The following SLC7A2 variants were observed in gnomAD, a reference collection of about 807,000 sequenced individuals.
The protein encoded by SLC7A2 is solute carrier family 7 member 2.
In SLC7A2, 48 loss-of-function variants were observed where a neutral mutation model predicts 58.9. The ratio of observed to expected loss-of-function variants is 0.82; its 90% CI spans 0.65 to 1.04. The LOEUF (loss-of-function observed/expected upper bound fraction) is 1.04, where lower values mean the gene tolerates loss of function less well. Ranked by LOEUF, SLC7A2 falls within the 50% of genes least tolerant of loss-of-function variation. SLC7A2 has a pLI of 0.00. For synonymous variants in SLC7A2, 363 were observed against 314.5 expected (o/e 1.15, Z -1.63); for missense variants, 1,029 against 818.8 (o/e 1.26, Z -3.13).
upstream of SLC7A2, among the ~76,000 whole-genome samples, chr8:17,494,710 T>C (rs984854368): frequency 6.6e-6 from 1 of 152,224 alleles, no homozygotes; most frequent in African/African-American, 2.4e-5. Flanking sequence ...TCTAAACACA[T>C]TTTTAAAGGT....
intron 2 of SLC7A2, among the ~76,000 whole-genome samples, chr8:17,529,310 T>G (rs563404885): frequency 1.3e-5 from 2 of 152,174 alleles, no homozygotes; most frequent in Admixed American, 1.3e-4. Flanking sequence ...CTGCCCTTAG[T>G]TGACTTGTTC....
intron 4 of SLC7A2, 129 bp from the exon 5 acceptor site, chr8:17,548,549 T>C: frequency 1.5e-6 from 1 of 657,624 alleles, no homozygotes; most frequent in Non-Finnish European, 2.6e-6. Context: ...GAACTAGCAG[T>C]AGAGGTAGAT....
chr8:17,525,391 T>A (rs1437173272), intron 2 of SLC7A2, among the ~76,000 whole-genome samples: 1 of 152,176 alleles, frequency 6.6e-6, no homozygotes, highest in Non-Finnish European at 1.5e-5. Flanking sequence ...AGCTCTAGAA[T>A]CTGAAACAAG....
intron 2 of SLC7A2, among the ~76,000 whole-genome samples, chr8:17,533,074 A>G (rs1327687126): frequency 6.6e-6 from 1 of 152,090 alleles, no homozygotes; most frequent in East Asian, 1.9e-4. Flanking sequence ...TCTAGATAGA[A>G]ATTTTAGAGG....
chr8:17,520,330 C>T (rs946073109), intron 2 of SLC7A2, among the ~76,000 whole-genome samples: 15 of 152,016 alleles, frequency 9.9e-5, no homozygotes, highest in African/African-American at 2.4e-4. Flanking sequence ...TGCACACACA[C>T]GCACACATCC....
upstream of SLC7A2, among the ~76,000 whole-genome samples, chr8:17,496,429 T>C (rs998828732): frequency 6.6e-6 from 1 of 152,178 alleles, no homozygotes; most frequent in Non-Finnish European, 1.5e-5. Context: ...GGCTTTCACA[T>C]TGTGACTTAA....
In SLC7A2 at chr8:17,542,964, A is replaced by T. The variant is rs562876837; in HGVS notation, c.-22-354A>T. Among the ~76,000 whole-genome samples the T allele has an allele frequency of 9.1e-4, 138 of 152,266 alleles. 1 individual carries two copies. Among genetic ancestry groups the T allele is most frequent in the Non-Finnish European group, 1.0e-3 (69 of 68,032 alleles). The stretch of plus-strand genomic sequence containing the variant: ...GCGACAGAGTGAGATCCTGTTTCCA[A>T]ACAAAAACAGAAACACAAAATTATA... On this transcript the variant is annotated intron_variant, in intron 2 of 12. Transcript: ENST00000494857.
rs771008189 is a variant in SLC7A2 at position 17,555,059 on chromosome 8, C to T, written c.1195+360C>T. 22 of 1,613,742 alleles carry T rather than the reference C, an allele frequency of 1.4e-5. 1 individual carries two copies. The highest frequency in any genetic ancestry group is 3.3e-5 in the Admixed American group (2 of 59,972). On this transcript the variant is annotated intron_variant, in intron 8 of 12. Transcript: ENST00000494857. The stretch of plus-strand genomic sequence containing the variant: ...AAGAGGCAGTCACCAGTTGCTGCCA[C>T]GTTGACTGCAGGGGTCATTTCTGGT...
Position 17,558,294 on chromosome 8 carries a change from G to A in SLC7A2, c.1196-1G>A. The stretch of plus-strand genomic sequence containing the variant: ...TCACCGTTCTTTTCTTCTCCCCCTA[G>A]CTTTGATGGCCTTTCTGTTTGACCT... On this transcript the variant is annotated splice_acceptor_variant, in intron 8 of 12. Coordinates refer to ENST00000494857, the MANE Select transcript of SLC7A2 (RefSeq NM_001370338.1). LOFTEE classifies it high-confidence loss of function. 4 of 1,607,150 alleles carry A rather than the reference G, an allele frequency of 2.5e-6. No individual in the cohort carries two copies. Among genetic ancestry groups the A allele is most frequent in the Non-Finnish European group, 3.4e-6 (4 of 1,174,190 alleles).
rs568867568 is a variant in SLC7A2 at position 17,502,725 on chromosome 8, C to T, written c.-23+423C>T. On this transcript the variant is annotated intron_variant, in intron 2 of 12. Coordinates refer to ENST00000494857, the MANE Select transcript of SLC7A2 (RefSeq NM_001370338.1). ...ACTCAGGCAGATTATTTAAAGGAAT[C>T]CTGGAATGAGTCCATTTTTCCTAGG... Among the ~76,000 whole-genome samples, 33 of 152,190 alleles carry T rather than the reference C, an allele frequency of 2.2e-4. No individual in the cohort carries two copies. In the South Asian group the frequency reaches 6.6e-3, roughly 31 times the overall value.
intron 2 of SLC7A2, among the ~76,000 whole-genome samples, chr8:17,517,175 T>C (rs1267566142): frequency 6.6e-6 from 1 of 152,242 alleles, no homozygotes; most frequent in East Asian, 1.9e-4. Context: ...TGACTTTAAC[T>C]GACTTATACT....
rs142189797 is a variant in SLC7A2, at chr8:17,529,611, A to G, written c.-22-13707A>G. On this transcript the variant is annotated intron_variant, in intron 2 of 12. Coordinates refer to ENST00000494857, the MANE Select transcript of SLC7A2 (RefSeq NM_001370338.1). ...AGTGATGTGATCTTGGCCCACTGCA[A>G]CCTCTATCTACCTCCTGGGTTCAAG... Among the ~76,000 whole-genome samples the G allele has an allele frequency of 2.7e-3, 404 of 151,014 alleles. 4 individuals carry two copies. Among genetic ancestry groups the G allele is most frequent in the African/African-American group, 9.6e-3 (394 of 41,158 alleles).
chr8:17,515,840 C>T (rs926941818), intron 2 of SLC7A2, among the ~76,000 whole-genome samples: 49 of 152,320 alleles, frequency 3.2e-4, no homozygotes, highest in Middle Eastern at 3.4e-3. Flanking sequence ...CCTCAATCAA[C>T]TGTCCTCTGT....
At chr8:17,512,209 CT>C (rs1203457057) in intron 2 of SLC7A2, among the ~76,000 whole-genome samples, 2 of 152,010 alleles carry the variant, frequency 1.3e-5, no homozygotes, top group South Asian at 2.1e-4. Context: ...AAAGATATGG[CT>C]TTTTTTCAAG....
At chr8:17,523,880 A>G (rs989747153) in intron 2 of SLC7A2, among the ~76,000 whole-genome samples, 3 of 152,042 alleles carry the variant, frequency 2.0e-5, no homozygotes, top group Non-Finnish European at 4.4e-5. Context: ...AAGGACTAAT[A>G]TCCAGAATCT....
At chr8:17,556,025 ATT>A (rs564888981) in intron 8 of SLC7A2, among the ~76,000 whole-genome samples, 3 of 152,136 alleles carry the variant, frequency 2.0e-5, no homozygotes, top group African/African-American at 7.2e-5. Flanking sequence ...GTAAAATGGA[ATT>A]TTTTTCAGGG....
At chr8:17,518,566 T>C (rs1050445563) in intron 2 of SLC7A2, among the ~76,000 whole-genome samples, 9 of 152,198 alleles carry the variant, frequency 5.9e-5, no homozygotes, top group African/African-American at 1.9e-4. Context: ...AAATGTAAAC[T>C]TCGTGTTTGT....
chr8:17,505,121 C>T (rs1800313546), intron 2 of SLC7A2, among the ~76,000 whole-genome samples: 1 of 150,932 alleles, frequency 6.6e-6, no homozygotes, highest in Non-Finnish European at 1.5e-5. Flanking sequence ...GTTCACTTCC[C>T]TGTAAAAAAG....
chr8:17,563,630 T>G lies in SLC7A2; in HGVS notation c.1699T>G (p.Phe567Val). ...TCCATTCTTACCATTTTTGCCAGCG[T>G]TCAGCATCTTGGTGAACATTTACTT... ...MVPFLPFLPA[F>V]SILVNIYLMV... The change falls in exon 12 of 13, where the codon TTC (phenylalanine) becomes GTC (valine). Residue 567 changes from phenylalanine to valine, a missense_variant. Phe to Val is a conservative substitution (Grantham distance 50). Coordinates refer to ENST00000494857, the MANE Select transcript of SLC7A2 (RefSeq NM_001370338.1). 6.2e-7 allele frequency: 1 copy of G among 1,613,182 alleles called. No individual in the cohort carries two copies.
Sources: allele counts gnomAD v4.1 joint callset (sites outside exome capture counted in the v4.1 genomes callset), GRCh38; gene constraint gnomAD v4.1.1; transcripts MANE v1.5; gene names NCBI Gene and HGNC (gene_info 2026-07-23, HGNC 2026-07-21).